HIP1: variants seen among roughly 807,000 people sequenced by gnomAD.
HIP1 encodes huntingtin interacting protein 1.
Under a neutral mutation model 147.6 loss-of-function variants are expected in HIP1, and 65 were observed. The observed-to-expected ratio is 0.44, with a 90% CI of 0.36 to 0.54. HIP1 has a LOEUF of 0.54. Ranked by LOEUF, HIP1 falls within the 20% of genes least tolerant of loss-of-function variation. The probability of loss-of-function intolerance (pLI) is 0.00; values close to 1 mark genes in which losing one functional copy is unlikely to be tolerated. For synonymous variants in HIP1, 479 were observed against 504.0 expected, an observed-to-expected ratio of 0.95 and a Z score of 0.67; for missense variants, 1,061 against 1,299.6, an observed-to-expected ratio of 0.82 and a Z score of 2.82.
At chr7:75,623,440 T>G (rs1554507523) in intron 1 of HIP1, among the ~76,000 whole-genome samples, 2 of 151,776 alleles carry the variant, frequency 1.3e-5, no homozygotes, top group Admixed American at 1.3e-4. Context: ...GTGGCAGGGA[T>G]GGGAATGGGG....
At chr7:75,538,887 C>T (rs587670584) in intron 30 of HIP1, among the ~76,000 whole-genome samples, 1 of 152,098 alleles carries the variant, frequency 6.6e-6, no homozygotes, top group Non-Finnish European at 1.5e-5. Context: ...CACCTGATCC[C>T]TTCTGTCTTT....
intron 2 of HIP1, 65 bp downstream of exon 2, chr7:75,599,119 G>T: frequency 8.0e-7 from 1 of 1,249,202 alleles, no homozygotes; most frequent in South Asian, 1.2e-5. Context: ...GCCTGGCCCT[G>T]ACCTCAGTCC....
At chr7:75,683,555 A>G (rs183795904) in intron 1 of HIP1, among the ~76,000 whole-genome samples, 1 of 152,286 alleles carries the variant, frequency 6.6e-6, no homozygotes, top group East Asian at 1.9e-4. Flanking sequence ...CTGGCTCAAA[A>G]CAGACCACTC....
chr7:75,650,546 G>A (rs1302867988), intron 1 of HIP1, among the ~76,000 whole-genome samples: 3 of 148,734 alleles, frequency 2.0e-5, no homozygotes, highest in African/African-American at 7.5e-5. Context: ...TCTACCTCCT[G>A]GGTTCAAGGG....
Position 75,567,517 on chromosome 7 carries a change from C to T in HIP1, c.803+682G>A, listed in dbSNP as rs139967067. Among the ~76,000 whole-genome samples, 9 of 151,558 alleles carry T rather than the reference C, an allele frequency of 5.9e-5. No homozygotes were observed. In the East Asian group the frequency reaches 1.5e-3, roughly 26 times the overall value. On this transcript the variant is annotated intron_variant, in intron 9 of 30. Coordinates refer to ENST00000336926, the MANE Select transcript of HIP1 (RefSeq NM_005338.7). ...TTTATCACCTTAGAATGAAGATAAC[C>T]TCAGGTCGGGTGCAGTGGCTCACGC...
intron 1 of HIP1, among the ~76,000 whole-genome samples, chr7:75,602,627 C>T (rs1197934490): frequency 3.3e-5 from 5 of 150,720 alleles, no homozygotes; most frequent in South Asian, 2.1e-4. Context: ...CTCAGCCTCC[C>T]GAGTAGCTGG....
rs112128910 is a variant in HIP1, at chr7:75,600,400, T to C, written c.121-1153A>G. 4.2e-3 allele frequency among the ~76,000 whole-genome samples: 638 copies of C among 152,312 alleles called. 8 individuals carry two copies. The highest frequency in any genetic ancestry group is 0.015 in the African/African-American group (604 of 41,576). ...TGCTGAGATTACAGGCGTGAGCCAC[T>C]GTGCCCGGCCAAATCATAACTCTTT... On this transcript the variant is annotated intron_variant, in intron 1 of 30. Coordinates refer to ENST00000336926, the MANE Select transcript of HIP1 (RefSeq NM_005338.7).
At chr7:75,561,227 T>G (rs1055094888) in intron 13 of HIP1, 102 bp downstream of exon 13, 12 of 900,462 alleles carry the variant, frequency 1.3e-5, no homozygotes, top group East Asian at 2.4e-5. Flanking sequence ...GTGCTAGGAT[T>G]ACAGGTGTGA....
At chr7:75,544,897 C>T in intron 26 of HIP1, 97 bp from the exon 27 acceptor site, 1 of 868,260 alleles carries the variant, frequency 1.2e-6, no homozygotes, top group Non-Finnish European at 1.9e-6. Flanking sequence ...CTTGGCTAAA[C>T]AGGGAGGGGA....
intron 1 of HIP1, among the ~76,000 whole-genome samples, chr7:75,700,519 G>A (rs1309587388): frequency 6.6e-6 from 1 of 152,132 alleles, no homozygotes; most frequent in Non-Finnish European, 1.5e-5. Context: ...CCATGAGGGT[G>A]GGATCTGTTT....
At chr7:75,582,215 C>T (rs587662586) in intron 5 of HIP1, 64 bp from the exon 6 acceptor site, 30 of 1,299,578 alleles carry the variant, frequency 2.3e-5, no homozygotes, top group Admixed American at 5.5e-5. Context: ...CTCAGCCGGG[C>T]GTGGTGGCAC....
chr7:75,646,467 G>A (rs148547842), intron 1 of HIP1, among the ~76,000 whole-genome samples: 28 of 152,368 alleles, frequency 1.8e-4, no homozygotes, highest in African/African-American at 6.3e-4. Context: ...CACCTGCAGC[G>A]TGCCAGGGGG....
chr7:75,611,537 T>G, intron 1 of HIP1: 1 of 261,868 alleles, frequency 3.8e-6, no homozygotes, highest in Non-Finnish European at 6.2e-6. Context: ...ATCTACTCCC[T>G]TCCCCTCCCG....
At chr7:75,542,042 G>A in intron 28 of HIP1, 62 bp from the exon 29 acceptor site, 1 of 1,326,080 alleles carries the variant, frequency 7.5e-7, no homozygotes, top group Non-Finnish European at 1.1e-6. Context: ...GCACCTGAGA[G>A]GCAGCCAATG....
chr7:75,613,064 A>G (rs1797502700), intron 1 of HIP1, among the ~76,000 whole-genome samples: 1 of 151,742 alleles, frequency 6.6e-6, no homozygotes, highest in Non-Finnish European at 1.5e-5. Context: ...TGATCATACC[A>G]CTGCACCACT....
At chr7:75,626,208 T>C (rs1798033052) in intron 1 of HIP1, 1 of 152,212 alleles carries the variant, frequency 6.6e-6, no homozygotes, top group Non-Finnish European at 1.5e-5. Context: ...TATAGAGCCA[T>C]AGGGCAGCCG....
chr7:75,630,058 T>G (rs1455589667), intron 1 of HIP1, among the ~76,000 whole-genome samples: 1 of 151,996 alleles, frequency 6.6e-6, no homozygotes, highest in African/African-American at 2.4e-5. Flanking sequence ...CTTGGGAGGC[T>G]GAGGTGGGAG....
At chr7:75,552,764 A>G (rs2116792883) in intron 22 of HIP1, among the ~76,000 whole-genome samples, 1 of 152,186 alleles carries the variant, frequency 6.6e-6, no homozygotes, top group South Asian at 2.1e-4. Flanking sequence ...TACTTCTTTG[A>G]TATTGCCTAG....
At position 75,551,697 on chromosome 7, in the gene HIP1, G is replaced by A. The variant is rs587641568; in HGVS notation, c.2295+1756C>T. Among the ~76,000 whole-genome samples the A allele has an allele frequency of 3.2e-3, 490 of 151,704 alleles. 5 individuals are homozygous for A. Among genetic ancestry groups the A allele is most frequent in the African/African-American group, 0.011 (475 of 41,330 alleles). ...TGATCCTCCTGCCTCAGCCTCCTGAGTAGCTGGGACCAAAAGTGCTCACCA... is the reference window on the plus strand; with the variant it reads ...TGATCCTCCTGCCTCAGCCTCCTGAATAGCTGGGACCAAAAGTGCTCACCA... On this transcript the variant is annotated intron_variant, in intron 22 of 30. Coordinates refer to ENST00000336926, the MANE Select transcript of HIP1 (RefSeq NM_005338.7).
Sources: allele counts gnomAD v4.1 joint callset (sites outside exome capture counted in the v4.1 genomes callset), GRCh38; gene constraint gnomAD v4.1.1; transcripts MANE v1.5; gene names NCBI Gene and HGNC (gene_info 2026-07-23, HGNC 2026-07-21).